The following PCDH15 variants were observed in gnomAD, a reference collection of about 807,000 sequenced individuals.
PCDH15 encodes the protein protocadherin-15.
In PCDH15, 129 loss-of-function variants were observed where a neutral mutation model predicts 178.5. The observed-to-expected ratio is 0.72, with a 90% CI of 0.63 to 0.84. The LOEUF is 0.84. Among genes scored for constraint, PCDH15 ranks in the 40% least tolerant of loss-of-function variants. The probability of loss-of-function intolerance (pLI) is 0.00; values close to 1 mark genes in which losing one functional copy is unlikely to be tolerated. For synonymous variants in PCDH15, 800 were observed against 732.0 expected (o/e 1.09, Z -1.50); for missense variants, 2,230 against 2,099.9 (o/e 1.06, Z -1.21).
chr10:54,533,269 C>T lies in PCDH15; in HGVS notation c.92-5392G>A, dbSNP rs148031976. Among the ~76,000 whole-genome samples, 327 of 152,078 alleles carry T rather than the reference C, an allele frequency of 2.2e-3. 1 individual carries two copies. Among genetic ancestry groups the T allele is most frequent in the Middle Eastern group, 3.4e-3 (1 of 294 alleles). On this transcript the variant is annotated intron_variant, in intron 2 of 37. Transcript: ENST00000644397. ...CATTGAAAGTCTCAATTTCCAAGAA[C>T]CTACGGACAATATTAACTGAAGACT... is the stretch of plus-strand genomic sequence containing the variant.
intron 2 of PCDH15, among the ~76,000 whole-genome samples, chr10:55,430,427 T>C (rs1370822669): frequency 6.6e-6 from 1 of 152,222 alleles, no homozygotes; most frequent in Non-Finnish European, 1.5e-5. Context: ...ATTTATGTTT[T>C]GATATATTTT....
chr10:54,929,830 T>C (rs1043106013), intron 2 of PCDH15, among the ~76,000 whole-genome samples: 3 of 152,222 alleles, frequency 2.0e-5, no homozygotes, highest in Non-Finnish European at 2.9e-5. Flanking sequence ...TTTTACTTTC[T>C]AACATGTGGC....
At chr10:54,857,321 T>C (rs1591746175) in intron 3 of PCDH15, among the ~76,000 whole-genome samples, 1 of 152,334 alleles carries the variant, frequency 6.6e-6, no homozygotes. Flanking sequence ...ATCTCAAAAA[T>C]GTGACAGGAT....
At chr10:54,252,705 T>C (rs1376124328) in intron 8 of PCDH15, among the ~76,000 whole-genome samples, 1 of 152,174 alleles carries the variant, frequency 6.6e-6, no homozygotes, top group African/African-American at 2.4e-5. Context: ...GTAACATTAA[T>C]TTACAACGAT....
Position 55,592,037 on chromosome 10 carries a change from T to C in PCDH15, c.-156+35588A>G, listed in dbSNP as rs1398903276. ...AGAATACCTCTTAGAGTGAAAATCATAAATGAATATACATAACGTATTTCT... is the reference window on the plus strand; with the variant it reads ...AGAATACCTCTTAGAGTGAAAATCACAAATGAATATACATAACGTATTTCT... On this transcript the variant is annotated intron_variant, in intron 2 of 5. Transcript: ENST00000613346. 3.3e-5 allele frequency among the ~76,000 whole-genome samples: 5 copies of C among 152,266 alleles called. No homozygotes were observed. The East Asian group carries it at 7.7e-4, about 23-fold the overall frequency.
At chr10:54,124,503 T>C (rs1443930360) in intron 15 of PCDH15, among the ~76,000 whole-genome samples, 1 of 152,144 alleles carries the variant, frequency 6.6e-6, no homozygotes, top group African/African-American at 2.4e-5. Flanking sequence ...ACAACTACAA[T>C]AATAAAAGAT....
At chr10:55,091,768 T>C (rs1842324120) in intron 2 of PCDH15, among the ~76,000 whole-genome samples, 3 of 151,940 alleles carry the variant, frequency 2.0e-5, no homozygotes, top group Admixed American at 2.0e-4. Flanking sequence ...ATGTAATTCT[T>C]AAAATTCTTG....
intron 1 of PCDH15, among the ~76,000 whole-genome samples, chr10:54,798,806 T>TG (rs1270269617): frequency 2.6e-5 from 4 of 152,026 alleles, no homozygotes; most frequent in South Asian, 2.1e-4. Flanking sequence ...TAAATGTATA[T>TG]GGGGGGCTTC....
chr10:54,027,226 C>G (rs1290005488), intron 18 of PCDH15, among the ~76,000 whole-genome samples: 2 of 148,850 alleles, frequency 1.3e-5, no homozygotes, highest in Admixed American at 6.6e-5. Flanking sequence ...AGGAATCCAA[C>G]TTACAAGGGA....
At position 53,995,667 on chromosome 10, in the gene PCDH15, A is replaced by G. The variant is rs2134901606; in HGVS notation, c.2850T>C (p.Ala950=). 1.2e-6 allele frequency: 2 copies of G among 1,613,970 alleles called. No individual in the cohort carries two copies. The highest frequency in any genetic ancestry group is 1.7e-6 in the Non-Finnish European group (2 of 1,179,826). ...VKGTPITTVY[A]EDADPPGLPA... ...TACTTACAGGAGGGTCTGCATCTTC[A>G]GCATAAACTGTTGTGATAGGTGTAC... is the stretch of plus-strand genomic sequence containing the variant. Residue 950 remains alanine, a synonymous_variant, in exon 21 of 38, where the codon GCT becomes GCC. Coordinates refer to ENST00000644397, the MANE Select transcript of PCDH15 (RefSeq NM_001384140.1).
chr10:54,167,965 T>A lies in PCDH15; in HGVS notation c.1591-14672A>T, dbSNP rs967757114. On this transcript the variant is annotated intron_variant, in intron 13 of 37. Transcript: ENST00000644397. ...TAAGAACCCCCGAACCCCTTCCCTCTGTTTCCCTACTCTCTCTTTTCTCTA... is the reference window on the plus strand; with the variant it reads ...TAAGAACCCCCGAACCCCTTCCCTCAGTTTCCCTACTCTCTCTTTTCTCTA... 3.3e-5 allele frequency among the ~76,000 whole-genome samples: 5 copies of A among 150,560 alleles called. No homozygotes were observed. In the South Asian group the frequency reaches 1.1e-3, roughly 32 times the overall value.
chr10:54,275,493 A>T lies in PCDH15; in HGVS notation c.877-38562T>A, dbSNP rs1454672026. The stretch of plus-strand genomic sequence containing the variant: ...CCCTGATGATATGCCAATTCTCTGG[A>T]CTCTATCACTAACTCTATTAAATGA... On this transcript the variant is annotated intron_variant, in intron 8 of 37. Transcript: ENST00000644397. Among the ~76,000 whole-genome samples, 3 of 151,926 alleles carry T rather than the reference A, an allele frequency of 2.0e-5. No individual in the cohort carries two copies. In the Admixed American group the frequency reaches 2.0e-4, roughly 10 times the overall value.
intron 2 of PCDH15, among the ~76,000 whole-genome samples, chr10:55,026,447 T>A (rs1311325320): frequency 6.6e-6 from 1 of 151,966 alleles, no homozygotes; most frequent in East Asian, 1.9e-4. Flanking sequence ...GTTTTCCTAC[T>A]GGTTTTCAGA....
intron 2 of PCDH15, among the ~76,000 whole-genome samples, chr10:54,546,168 T>C (rs2085832431): frequency 6.6e-6 from 1 of 152,194 alleles, no homozygotes; most frequent in Non-Finnish European, 1.5e-5. Context: ...CCAAGCTTAG[T>C]TTTCTGATGC....
intron 1 of PCDH15, among the ~76,000 whole-genome samples, chr10:55,296,117 G>A (rs1268552631): frequency 6.6e-6 from 1 of 152,160 alleles, no homozygotes; most frequent in Non-Finnish European, 1.5e-5. Context: ...GATGCATGGG[G>A]CAAGGTGTGG....
At chr10:55,366,114 C>T (rs1046098412) in intron 2 of PCDH15, 1 of 152,260 alleles carries the variant, frequency 6.6e-6, no homozygotes, top group African/African-American at 2.4e-5. Flanking sequence ...CTGTCTCTTA[C>T]TTCTTAGAGT....
At chr10:54,269,628 T>A (rs2132461550) in intron 8 of PCDH15, among the ~76,000 whole-genome samples, 1 of 151,962 alleles carries the variant, frequency 6.6e-6, no homozygotes, top group East Asian at 1.9e-4. Context: ...AGAGACAAAT[T>A]CAATTTTAAA....
intron 2 of PCDH15, among the ~76,000 whole-genome samples, chr10:55,435,756 A>C (rs183227224): frequency 6.6e-6 from 1 of 152,188 alleles, no homozygotes; most frequent in African/African-American, 2.4e-5. Flanking sequence ...GGGATTTATA[A>C]CTGTCGTAAA....
At chr10:53,943,655 T>C (rs923650881) in intron 23 of PCDH15, among the ~76,000 whole-genome samples, 2 of 152,144 alleles carry the variant, frequency 1.3e-5, no homozygotes, top group Admixed American at 6.6e-5. Context: ...TTAAATCCTA[T>C]GCATACCACT....
Sources: gnomAD v4.1 joint callset for allele counts (sites outside exome capture counted in the v4.1 genomes callset) on GRCh38, gnomAD v4.1.1 for gene constraint, MANE v1.5 for transcripts, NCBI Gene and HGNC (gene_info 2026-07-23, HGNC 2026-07-21) for gene names.